DNAJC30: variants seen among roughly 807,000 people sequenced by gnomAD.
DNAJC30 encodes dnaJ homolog subfamily C member 30, mitochondrial.
In DNAJC30, 16 loss-of-function variants were observed where a neutral mutation model predicts 15.4. The observed-to-expected ratio is 1.04, with a 90% CI of 0.70 to 1.58. The LOEUF is 1.58. Among genes scored for constraint, DNAJC30 ranks in the 40% most tolerant of loss-of-function variants. The pLI, the probability that DNAJC30 is intolerant of heterozygous loss-of-function variation, is 0.00. For missense variants in DNAJC30, 352 were observed against 320.9 expected, an observed-to-expected ratio of 1.10 and a Z score of -0.74; for synonymous variants, 161 against 140.2, an observed-to-expected ratio of 1.15 and a Z score of -1.05.
At position 73,681,751 on chromosome 7, in the gene DNAJC30, C is replaced by A. The variant is rs747044210; in HGVS notation, c.*992G>T. 2.0e-5 allele frequency: 3 copies of A among 152,178 alleles called. No individual in the cohort carries two copies. The highest frequency in any genetic ancestry group is 7.2e-5 in the African/African-American group (3 of 41,418). 9.4% of individuals were successfully genotyped at this position (152,178 alleles called of 1,614,324 possible). A position where few individuals can be genotyped will look rare whatever the true frequency, so the allele number is the denominator to read the frequency against. On this transcript the variant is annotated 3_prime_UTR_variant, in exon 1 of 1. Transcript: ENST00000395176. Reference sequence around the variant, plus strand: ...GGCAGACAGCCTGAGGTCGGCAGTTCGAGACCTCAGTCTGGCCAGCATGGT... The same window carrying A: ...GGCAGACAGCCTGAGGTCGGCAGTTAGAGACCTCAGTCTGGCCAGCATGGT...
chr7:73,682,700 T>G lies in DNAJC30; in HGVS notation c.*43A>C. 6.4e-7 allele frequency: 1 copy of G among 1,554,188 alleles called. No individual in the cohort carries two copies. The highest frequency in any genetic ancestry group is 8.7e-7 in the Non-Finnish European group (1 of 1,149,826). On this transcript the variant is annotated 3_prime_UTR_variant, in exon 1 of 1. Transcript: ENST00000395176. ...CAGAGGCAGGAAAAAAGGCCGTTTC[T>G]GGGGGGTTGGCTGGGGACACTCCCC...
Position 73,682,986 on chromosome 7 carries a change from C to G in DNAJC30, c.438G>C (p.Arg146=). The G allele has an allele frequency of 6.3e-7, 1 of 1,599,572 alleles. No homozygotes were observed. The highest frequency in any genetic ancestry group is 8.5e-7 in the Non-Finnish European group (1 of 1,171,022). ...GSPRTPPPTS[R]THDGSRASPG... is the part of the protein sequence containing the mutation. ...GGGAGGCCCGAGAACCGTCGTGGGT[C>G]CGAGAGGTGGGCGGCGGGGTACGCG... Residue 146 remains arginine, a synonymous_variant, in exon 1 of 1, where the codon CGG becomes CGC. Transcript: ENST00000395176.
rs201622818 is a variant in DNAJC30 at position 73,682,990 on chromosome 7, G to A, written c.434C>T (p.Ser145Phe). 1.1e-5 allele frequency: 17 copies of A among 1,598,354 alleles called. No homozygotes were observed. In the East Asian group the frequency reaches 2.7e-4, roughly 25 times the overall value. ...PGSPRTPPPT[S>F]RTHDGSRASP... ...GGCCCGAGAACCGTCGTGGGTCCGA[G>A]AGGTGGGCGGCGGGGTACGCGGCGA... Residue 145 changes from serine (S) to phenylalanine (F), a missense_variant, in exon 1 of 1, where the codon TCT becomes TTT. Transcript: ENST00000395176.
rs1422934257 is a variant in DNAJC30 at position 73,681,971 on chromosome 7, CA to C, written c.*771del. On this transcript the variant is annotated 3_prime_UTR_variant, in exon 1 of 1. Transcript: ENST00000395176. ...ACTCCATCTCAAAAACAAAACAAAACAAAAAACCCCCCAAAAACTATGGATA... is the reference window on the plus strand; with the variant it reads ...ACTCCATCTCAAAAACAAAACAAAACAAAAACCCCCCAAAAACTATGGATA... The C allele has an allele frequency of 9.7e-5, 15 of 154,830 alleles. No individual in the cohort carries two copies. The South Asian group carries it at 2.6e-3, about 27-fold the overall frequency. 9.6% of individuals were successfully genotyped at this position (154,830 alleles called of 1,614,324 possible). A position where few individuals can be genotyped will look rare whatever the true frequency, so the allele number is the denominator to read the frequency against.
chr7:73,682,798 G>A lies in DNAJC30; in HGVS notation c.626C>T (p.Thr209Met), dbSNP rs1797752707. Residue 209 changes from threonine to methionine, a missense_variant, in exon 1 of 1, where the codon ACG (threonine) becomes ATG (methionine). Physicochemically the swap from Thr to Met is moderately conservative, Grantham distance 81. Coordinates refer to ENST00000395176, the MANE Select transcript of DNAJC30 (RefSeq NM_032317.3). ...TGAAAAGATGAGGAAAATGGCAGCC[G>A]TGTCTCGGGTATCCTCCCAGCGGAG... ...KGLRWEDTRD[T>M]AAIFLIFSIF... 3.1e-6 allele frequency: 5 copies of A among 1,612,582 alleles called. No homozygotes were observed. The highest frequency in any genetic ancestry group is 4.5e-5 in the East Asian group (2 of 44,840).
chr7:73,682,586 C>T lies in DNAJC30; in HGVS notation c.*157G>A. The T allele has an allele frequency of 3.6e-6, 3 of 835,930 alleles. No homozygotes were observed. The highest frequency in any genetic ancestry group is 5.4e-6 in the Non-Finnish European group (3 of 560,572). 51.8% of individuals were successfully genotyped at this position (835,930 alleles called of 1,614,324 possible). ...GACCACAGTGGAGCGATGTGCAGGT[C>T]ATCGGCTAAGCTGGGCGGGTCGGGG... is the stretch of plus-strand genomic sequence containing the variant. On this transcript the variant is annotated 3_prime_UTR_variant, in exon 1 of 1. Coordinates refer to ENST00000395176, the MANE Select transcript of DNAJC30 (RefSeq NM_032317.3).
Position 73,682,285 on chromosome 7 carries a change from A to C in DNAJC30, c.*458T>G, listed in dbSNP as rs1797734219. ...AGAAAGACAAGTTTCGTACAACCCC[A>C]GACCTTTTCTTTTGGTAGTCAACAA... On this transcript the variant is annotated 3_prime_UTR_variant, in exon 1 of 1. Transcript: ENST00000395176. 1 of 154,956 alleles carries C rather than the reference A, an allele frequency of 6.5e-6. No individual in the cohort carries two copies. Among genetic ancestry groups the C allele is most frequent in the Admixed American group, 6.4e-5 (1 of 15,544 alleles). The allele number at this position is 154,956 out of a possible 1,614,324, so 9.6% of individuals were successfully genotyped here. A position where few individuals can be genotyped will look rare whatever the true frequency, so the allele number is the denominator to read the frequency against.
rs368358469 is a variant in DNAJC30, at chr7:73,683,030, C to A, written c.394G>T (p.Ala132Ser). Residue 132 changes from alanine (A) to serine (S), a missense_variant, in exon 1 of 1, where the codon GCA becomes TCA. By Grantham distance (99) the Ala-to-Ser change is moderately conservative. Coordinates refer to ENST00000395176, the MANE Select transcript of DNAJC30 (RefSeq NM_032317.3). The part of the protein sequence containing the change: ...GPGVRPSRTP[A>S]PDPGSPRTPP... ...GTACGCGGCGAGCCGGGGTCGGGTG[C>A]GGGCGTCCTGGAGGGCCGGACGCCA... The A allele has an allele frequency of 1.3e-6, 2 of 1,587,494 alleles. No homozygotes were observed. Among genetic ancestry groups the A allele is most frequent in the Admixed American group, 1.7e-5 (1 of 57,832 alleles).
chr7:73,682,813 T>G lies in DNAJC30; in HGVS notation c.611A>C (p.Glu204Ala). ...AATGGCAGCCGTGTCTCGGGTATCC[T>G]CCCAGCGGAGGCCTTTCATGGACCG... is the stretch of plus-strand genomic sequence containing the variant. ...EYRSMKGLRW[E>A]DTRDTAAIFL... The change falls in exon 1 of 1, where the codon GAG becomes GCG. Residue 204 changes from glutamate to alanine, a missense_variant. Glu to Ala is a moderately radical substitution (Grantham distance 107). Transcript: ENST00000395176. 6.2e-7 allele frequency: 1 copy of G among 1,614,092 alleles called. No individual in the cohort carries two copies. Among genetic ancestry groups the G allele is most frequent in the Non-Finnish European group, 8.5e-7 (1 of 1,179,992 alleles).
rs1187764404 is a variant in DNAJC30, at chr7:73,683,001, CG to C, written c.422del (p.Pro141ArgfsTer42). 6.3e-7 allele frequency: 1 copy of C among 1,590,442 alleles called. No individual in the cohort carries two copies. The highest frequency in any genetic ancestry group is 8.6e-7 in the Non-Finnish European group (1 of 1,166,422). ...CGTCGTGGGTCCGAGAGGTGGGCGG[CG>C]GGGTACGCGGCGAGCCGGGGTCGGG... ...PAPDPGSPRT[P>X]PPTSRTHDGS... On this transcript the variant is annotated frameshift_variant, in exon 1 of 1. Coordinates refer to ENST00000395176, the MANE Select transcript of DNAJC30 (RefSeq NM_032317.3). LOFTEE classifies it high-confidence loss of function.
chr7:73,682,149 A>G lies in DNAJC30; in HGVS notation c.*594T>C, dbSNP rs532935074. 3.3e-5 allele frequency: 5 copies of G among 152,802 alleles called. No individual in the cohort carries two copies. Among genetic ancestry groups the G allele is most frequent in the African/African-American group, 1.2e-4 (5 of 41,572 alleles). 9.5% of individuals were successfully genotyped at this position (152,802 alleles called of 1,614,324 possible). On this transcript the variant is annotated 3_prime_UTR_variant, in exon 1 of 1. Coordinates refer to ENST00000395176, the MANE Select transcript of DNAJC30 (RefSeq NM_032317.3). ...TTTTTCTCACTCCTACATGCTATCA[A>G]CATAAGGAGGAGTGCCCCAGGGGGC... is the stretch of plus-strand genomic sequence containing the variant.
Position 73,682,716 on chromosome 7 carries a change from G to A in DNAJC30, c.*27C>T. 6.3e-7 allele frequency: 1 copy of A among 1,577,188 alleles called. No homozygotes were observed. The highest frequency in any genetic ancestry group is 8.6e-7 in the Non-Finnish European group (1 of 1,159,204). ...GGCCGTTTCTGGGGGGTTGGCTGGGGACACTCCCCTTCCCTTCTCTCTCCG... is the reference window on the plus strand; with the variant it reads ...GGCCGTTTCTGGGGGGTTGGCTGGGAACACTCCCCTTCCCTTCTCTCTCCG... On this transcript the variant is annotated 3_prime_UTR_variant, in exon 1 of 1. Transcript: ENST00000395176.
chr7:73,683,137 T>C lies in DNAJC30; in HGVS notation c.287A>G (p.Gln96Arg). 6.2e-7 allele frequency: 1 copy of C among 1,614,062 alleles called. No individual in the cohort carries two copies. The highest frequency in any genetic ancestry group is 8.5e-7 in the Non-Finnish European group (1 of 1,180,004). The change falls in exon 1 of 1, where the codon CAG (glutamine) becomes CGG (arginine). Residue 96 changes from glutamine to arginine, a missense_variant. Transcript: ENST00000395176. ...EAAERFTRIS[Q>R]AYVVLGSATL... ...GGCACTGCCCAGCACCACGTAGGCC[T>C]GGGAGATGCGCGTGAAGCGCTCGGC...
In DNAJC30 at chr7:73,683,449, A is replaced by G. The variant is rs782744575; in HGVS notation, c.-26T>C. On this transcript the variant is annotated 5_prime_UTR_variant, in exon 1 of 1. Transcript: ENST00000395176. ...GTTGAATTGATTCGGCAGGCGGTGC[A>G]AGAGAAACCGGCCAATGAGAGGAGT... 13 of 1,608,244 alleles carry G rather than the reference A, an allele frequency of 8.1e-6. No homozygotes were observed. The highest frequency in any genetic ancestry group is 1.3e-5 in the African/African-American group (1 of 74,804).
In DNAJC30 at chr7:73,682,498, T is replaced by A; in HGVS notation, c.*245A>T. ...AGACTCCAGGAACCCCCTTCACTCC[T>A]GGGCTTTCGGGACTCTACAGCGTGG... On this transcript the variant is annotated 3_prime_UTR_variant, in exon 1 of 1. Coordinates refer to ENST00000395176, the MANE Select transcript of DNAJC30 (RefSeq NM_032317.3). 1 of 425,742 alleles carries A rather than the reference T, an allele frequency of 2.3e-6. No individual in the cohort carries two copies. The allele number at this position is 425,742 out of a possible 1,614,324, so 26.4% of individuals were successfully genotyped here.
At position 73,683,435 on chromosome 7, in the gene DNAJC30, T is replaced by A. The variant is rs1554611891; in HGVS notation, c.-12A>T. ...CGCATGGCTGCCATGTTGAATTGATTCGGCAGGCGGTGCAAGAGAAACCGG... is the reference window on the plus strand; with the variant it reads ...CGCATGGCTGCCATGTTGAATTGATACGGCAGGCGGTGCAAGAGAAACCGG... On this transcript the variant is annotated 5_prime_UTR_variant, in exon 1 of 1. Transcript: ENST00000395176. 6.2e-7 allele frequency: 1 copy of A among 1,608,658 alleles called. No individual in the cohort carries two copies. Among genetic ancestry groups the A allele is most frequent in the African/African-American group, 1.3e-5 (1 of 74,676 alleles).
Position 73,683,253 on chromosome 7 carries a change from G to A in DNAJC30, c.171C>T (p.Pro57=). Residue 57 remains proline (P), a synonymous_variant, in exon 1 of 1, where the codon CCC becomes CCT. Coordinates refer to ENST00000395176, the MANE Select transcript of DNAJC30 (RefSeq NM_032317.3). ...TGATTTGGGCCTGCGTGGCTGTGGA[G>A]GGGACGCCGAGCAGATCATACAGCG... ...RTALYDLLGV[P]STATQAQIKA... The A allele has an allele frequency of 6.2e-7, 1 of 1,614,162 alleles. No individual in the cohort carries two copies. The highest frequency in any genetic ancestry group is 8.5e-7 in the Non-Finnish European group (1 of 1,180,052).
At position 73,682,707 on chromosome 7, in the gene DNAJC30, T is replaced by C. The variant is rs376974280; in HGVS notation, c.*36A>G. The C allele has an allele frequency of 1.9e-6, 3 of 1,558,228 alleles. No homozygotes were observed. Among genetic ancestry groups the C allele is most frequent in the South Asian group, 1.2e-5 (1 of 84,200 alleles). ...AGGAAAAAAGGCCGTTTCTGGGGGG[T>C]TGGCTGGGGACACTCCCCTTCCCTT... On this transcript the variant is annotated 3_prime_UTR_variant, in exon 1 of 1. Transcript: ENST00000395176.
Position 73,683,337 on chromosome 7 carries a change from G to T in DNAJC30, c.87C>A (p.Pro29=). The T allele has an allele frequency of 6.2e-7, 1 of 1,613,666 alleles. No individual in the cohort carries two copies. Among genetic ancestry groups the T allele is most frequent in the Non-Finnish European group, 8.5e-7 (1 of 1,180,042 alleles). ...QARGFPQNSA[P]SLGLGARTYS... ...AAGTCCTCGCTCCTAGGCCCAGGCT[G>T]GGTGCAGAATTTTGTGGAAAGCCAC... The change falls in exon 1 of 1, where the codon CCC becomes CCA. Residue 29 remains proline, a synonymous_variant. Coordinates refer to ENST00000395176, the MANE Select transcript of DNAJC30 (RefSeq NM_032317.3).
Sources: allele counts gnomAD v4.1 joint callset, GRCh38; gene constraint gnomAD v4.1.1; transcripts MANE v1.5; gene names NCBI Gene and HGNC (gene_info 2026-07-23, HGNC 2026-07-21).